Variants in KIAA0825 observed in about 807,000 individuals in gnomAD.
KIAA0825 encodes the protein KIAA0825, also known as uncharacterized protein KIAA0825.
A neutral mutation model predicts 147.6 loss-of-function variants in KIAA0825; 119 were observed. The ratio of observed to expected loss-of-function variants is 0.81; its 90% CI spans 0.69 to 0.94. The LOEUF (loss-of-function observed/expected upper bound fraction) is 0.94, where lower values mean the gene tolerates loss of function less well. KIAA0825 is among the 40% of genes least tolerant of loss of function. The pLI, the probability that KIAA0825 is intolerant of heterozygous loss-of-function variation, is 0.00. For synonymous variants in KIAA0825, 470 were observed against 518.1 expected, an observed-to-expected ratio of 0.91 and a Z score of 1.26; for missense variants, 1,381 against 1,472.7, an observed-to-expected ratio of 0.94 and a Z score of 1.02.
chr5:94,517,692 TAAA>T (rs1193126684), intron 5 of KIAA0825, among the ~76,000 whole-genome samples: 2 of 150,784 alleles, frequency 1.3e-5, no homozygotes, highest in African/African-American at 4.9e-5. Flanking sequence ...TTAAATAAAT[TAAA>T]TTTATTTTAA....
chr5:94,403,158 G>A (rs1751612487), intron 16 of KIAA0825, among the ~76,000 whole-genome samples: 1 of 152,076 alleles, frequency 6.6e-6, no homozygotes, highest in Non-Finnish European at 1.5e-5. Flanking sequence ...CAAGAGAAAA[G>A]AAGGTAATAA....
At chr5:94,588,279 T>G (rs1584975145) in intron 1 of KIAA0825, among the ~76,000 whole-genome samples, 1 of 152,284 alleles carries the variant, frequency 6.6e-6, no homozygotes, top group Non-Finnish European at 1.5e-5. Context: ...GAGAAAATTT[T>G]TGCAATCTAC....
chr5:94,386,481 A>C, intron 18 of KIAA0825, 77 bp from the exon 19 acceptor site: 1 of 1,195,568 alleles, frequency 8.4e-7, no homozygotes, highest in Middle Eastern at 2.6e-4. Flanking sequence ...TCAATATCCA[A>C]ATTTATCCTT....
chr5:94,596,886 T>C (rs1785414425), intron 1 of KIAA0825, among the ~76,000 whole-genome samples: 1 of 152,186 alleles, frequency 6.6e-6, no homozygotes, highest in African/African-American at 2.4e-5. Flanking sequence ...TTGGTTGTTG[T>C]TGGTATATAG....
Position 94,464,884 on chromosome 5 carries a change from CT to C in KIAA0825, c.2047del (p.Arg683GlufsTer5). On this transcript the variant is annotated frameshift_variant, in exon 11 of 21. Coordinates refer to ENST00000682413, the MANE Select transcript of KIAA0825 (RefSeq NM_001145678.3). LOFTEE classifies it high-confidence loss of function. ...RYARAHPSRK[R>X]TPQLRLDVTT... Reference sequence around the variant, plus strand: ...CTTCAATTACCTTAACTGTGGAGTTCTTTTACGGCTGGGGTGGGCCCGAGCG... The same window carrying C: ...CTTCAATTACCTTAACTGTGGAGTTCTTTACGGCTGGGGTGGGCCCGAGCG... 1.3e-6 allele frequency: 2 copies of C among 1,550,636 alleles called. No homozygotes were observed. Among genetic ancestry groups the C allele is most frequent in the Non-Finnish European group, 1.7e-6 (2 of 1,146,632 alleles).
chr5:94,356,248 A>G (rs1784234692), intron 20 of KIAA0825, among the ~76,000 whole-genome samples: 1 of 152,196 alleles, frequency 6.6e-6, no homozygotes, highest in Non-Finnish European at 1.5e-5. Flanking sequence ...TTGTGCAAAA[A>G]GCAAAACTAC....
At chr5:94,489,887 C>CAAAA (rs747717616) in intron 5 of KIAA0825, among the ~76,000 whole-genome samples, 13 of 57,858 alleles carry the variant, frequency 2.2e-4, no homozygotes, top group African/African-American at 2.5e-4. Flanking sequence ...GACTCTGTCT[C>CAAAA]AAAAAAAAAA....
chr5:94,432,523 G>T (rs146644069), intron 14 of KIAA0825, among the ~76,000 whole-genome samples: 218 of 152,140 alleles, frequency 1.4e-3, no homozygotes, highest in African/African-American at 4.9e-3. Flanking sequence ...CAGCATTCTT[G>T]GATAGGATCT....
At chr5:94,519,385 A>G in intron 5 of KIAA0825, 2 of 897,666 alleles carry the variant, frequency 2.2e-6, no homozygotes, top group Non-Finnish European at 2.7e-6. Context: ...CAGATTTTAT[A>G]TAAAAGCATA....
At chr5:94,258,685 G>C (rs1459264746) in intron 20 of KIAA0825, among the ~76,000 whole-genome samples, 1 of 151,900 alleles carries the variant, frequency 6.6e-6, no homozygotes, top group Admixed American at 6.6e-5. Context: ...TATGATTTCA[G>C]GTCTACATCA....
At chr5:94,312,014 A>G (rs907176141) in intron 20 of KIAA0825, among the ~76,000 whole-genome samples, 1 of 151,660 alleles carries the variant, frequency 6.6e-6, no homozygotes, top group Non-Finnish European at 1.5e-5. Flanking sequence ...TCTCTCCATT[A>G]GGCACATCTA....
intron 20 of KIAA0825, among the ~76,000 whole-genome samples, chr5:94,176,410 A>ATTC (rs1406342802): frequency 1.3e-5 from 2 of 152,100 alleles, no homozygotes; most frequent in Non-Finnish European, 1.5e-5. Flanking sequence ...TTCTTTGTAA[A>ATTC]TTACCCAGGC....
chr5:94,592,053 C>T (rs184157458), intron 1 of KIAA0825, among the ~76,000 whole-genome samples: 96 of 152,302 alleles, frequency 6.3e-4, no homozygotes, highest in Admixed American at 1.6e-3. Context: ...ACAGCCAAGA[C>T]ATATCATTCT....
chr5:94,268,866 T>G (rs1776856597), intron 20 of KIAA0825, among the ~76,000 whole-genome samples: 1 of 152,184 alleles, frequency 6.6e-6, no homozygotes, highest in Non-Finnish European at 1.5e-5. Context: ...GCAACCTTGC[T>G]TCTTCCATCT....
At chr5:94,335,863 C>G (rs1436879113) in intron 20 of KIAA0825, among the ~76,000 whole-genome samples, 3 of 152,096 alleles carry the variant, frequency 2.0e-5, no homozygotes, top group African/African-American at 7.2e-5. Context: ...TATCACATGG[C>G]TTTTTAATTT....
At chr5:94,217,873 A>T (rs1451714341) in intron 20 of KIAA0825, among the ~76,000 whole-genome samples, 4 of 152,158 alleles carry the variant, frequency 2.6e-5, no homozygotes, top group African/African-American at 9.7e-5. Context: ...CAAAACAAGA[A>T]GGTGGGAATG....
chr5:94,416,922 T>C (rs777415067), intron 15 of KIAA0825: 1 of 266,658 alleles, frequency 3.8e-6, no homozygotes, highest in African/African-American at 2.1e-5. Flanking sequence ...GTGATAAATA[T>C]TAAAATAAAT....
chr5:94,213,349 G>A (rs544138456), intron 20 of KIAA0825, among the ~76,000 whole-genome samples: 2 of 152,196 alleles, frequency 1.3e-5, no homozygotes, highest in Admixed American at 1.3e-4. Flanking sequence ...GGTAATATAA[G>A]TTAGACTACC....
At chr5:94,439,934 G>A (rs985224699) in intron 14 of KIAA0825, 48 bp downstream of exon 14, 1 of 1,515,552 alleles carries the variant, frequency 6.6e-7, no homozygotes. Flanking sequence ...TTCAACTCGA[G>A]CAATGACTAG....
Sources: gnomAD v4.1 joint callset for allele counts (sites outside exome capture counted in the v4.1 genomes callset) on GRCh38, gnomAD v4.1.1 for gene constraint, MANE v1.5 for transcripts, NCBI Gene and HGNC (gene_info 2026-07-23, HGNC 2026-07-21) for gene names.